BMPR2: variants seen among roughly 807,000 people sequenced by gnomAD.
The protein encoded by BMPR2 is bone morphogenetic protein receptor type-2.
Under a neutral mutation model 100.8 loss-of-function variants are expected in BMPR2, and 29 were observed. The ratio of observed to expected loss-of-function variants is 0.29; its 90% CI spans 0.21 to 0.39. The LOEUF (loss-of-function observed/expected upper bound fraction) is 0.39. BMPR2 is among the 10% of genes least tolerant of loss of function. The probability of loss-of-function intolerance (pLI) is 1.00; values close to 1 mark genes in which losing one functional copy is unlikely to be tolerated. For missense variants in BMPR2, 1,011 were observed against 1,274.5 expected (o/e 0.79, Z 3.15); for synonymous variants, 382 against 442.3 (o/e 0.86, Z 1.71).
In BMPR2 at chr2:202,532,125, T is replaced by C. The variant is rs1688041341; in HGVS notation, c.1129-460T>C. Among the ~76,000 whole-genome samples, 1 of 150,312 alleles carries C rather than the reference T, an allele frequency of 6.7e-6. No individual in the cohort carries two copies. Among genetic ancestry groups the C allele is most frequent in the Non-Finnish European group, 1.5e-5 (1 of 67,682 alleles). On this transcript the variant is annotated intron_variant, in intron 8 of 12. Transcript: ENST00000374580. The surrounding 1 kb of genome is among the most constrained non-coding windows in gnomAD (Gnocchi z 4.1). ...TGGTTAATTTTTTATTTTTTTTTAG[T>C]AGAGACGGGGTTTCACTGTGTTAGC...
In BMPR2 at chr2:202,446,010, G is replaced by A. The variant is rs755806581; in HGVS notation, c.77-18799G>A. 3.3e-5 allele frequency among the ~76,000 whole-genome samples: 5 copies of A among 150,172 alleles called. 1 individual carries two copies. Among genetic ancestry groups the A allele is most frequent in the African/African-American group, 1.0e-4 (4 of 39,648 alleles). On this transcript the variant is annotated intron_variant, in intron 1 of 12. Coordinates refer to ENST00000374580, the MANE Select transcript of BMPR2 (RefSeq NM_001204.7). ...AGGATGGTCTTGATCTCCCGACCTC[G>A]TGATCTGCCCATCTTGGCCTCCCAA...
intron 1 of BMPR2, among the ~76,000 whole-genome samples, chr2:202,380,976 T>C (rs1238336469): frequency 5.3e-5 from 7 of 131,854 alleles, no homozygotes; most frequent in Non-Finnish European, 1.1e-4. Flanking sequence ...TTTTTTTTTT[T>C]TTTTTTTTTT....
intron 1 of BMPR2, among the ~76,000 whole-genome samples, chr2:202,382,596 T>C (rs975290473): frequency 6.6e-6 from 1 of 152,214 alleles, no homozygotes; most frequent in Admixed American, 6.5e-5. Context: ...ATTTAAGAAA[T>C]ACTTAGTGAA....
chr2:202,396,348 C>T (rs1690655812), intron 1 of BMPR2, among the ~76,000 whole-genome samples: 1 of 152,190 alleles, frequency 6.6e-6, no homozygotes, highest in Non-Finnish European at 1.5e-5. Flanking sequence ...GACTTGAAAT[C>T]TGGCTGATGG....
chr2:202,467,483 T>TA, intron 2 of BMPR2, 36 bp from the exon 3 acceptor site: 1 of 1,512,146 alleles, frequency 6.6e-7, no homozygotes, highest in Non-Finnish European at 9.2e-7. Flanking sequence ...TTCTTTATCA[T>TA]ATTGTCTCCT....
chr2:202,394,305 C>T (rs1013042344), intron 1 of BMPR2, among the ~76,000 whole-genome samples: 2 of 151,526 alleles, frequency 1.3e-5, no homozygotes, highest in South Asian at 2.1e-4. Flanking sequence ...GAGCCAAGAT[C>T]GTGCCATTGC....
chr2:202,383,685 A>G (rs1378125294), intron 1 of BMPR2, among the ~76,000 whole-genome samples: 2 of 151,422 alleles, frequency 1.3e-5, no homozygotes, highest in Non-Finnish European at 2.9e-5. Context: ...AAAAAAAAAA[A>G]AAAGAAAAAA....
intron 9 of BMPR2, 65 bp from the exon 10 acceptor site, chr2:202,542,246 C>A: frequency 6.3e-7 from 1 of 1,582,294 alleles, no homozygotes; most frequent in South Asian, 1.1e-5. Flanking sequence ...AGAAATACCC[C>A]TGTTATTCTA....
Position 202,420,540 on chromosome 2 carries a change from T to A in BMPR2, c.76+42990T>A, listed in dbSNP as rs1168285292. On this transcript the variant is annotated intron_variant, in intron 1 of 12. Coordinates refer to ENST00000374580, the MANE Select transcript of BMPR2 (RefSeq NM_001204.7). ...TGCAAACATCTGTAGAAGCATGATTTTTTTTTTTTTTTTTTTTTTTTTTTT... is the reference window on the plus strand; with the variant it reads ...TGCAAACATCTGTAGAAGCATGATTATTTTTTTTTTTTTTTTTTTTTTTTT... 2.5e-3 allele frequency among the ~76,000 whole-genome samples: 156 copies of A among 61,446 alleles called. 1 individual carries two copies. Among genetic ancestry groups the A allele is most frequent in the African/African-American group, 6.8e-3 (63 of 9,272 alleles). 40.3% of individuals were successfully genotyped at this position (61,446 alleles called of 152,430 possible).
rs1688716999 is a variant in BMPR2, at chr2:202,564,086, AGC to A, written c.*4141_*4142del. 6.6e-6 allele frequency: 1 copy of A among 152,210 alleles called. No individual in the cohort carries two copies. The highest frequency in any genetic ancestry group is 1.5e-5 in the Non-Finnish European group (1 of 68,028). 9.4% of individuals were successfully genotyped at this position (152,210 alleles called of 1,614,324 possible). The stretch of plus-strand genomic sequence containing the variant: ...AATTATTTTCAAATTTGACTTCTAC[AGC>A]CAAGTGGAATTGGTAGGCTGTAGCT... On this transcript the variant is annotated 3_prime_UTR_variant, in exon 13 of 13. Coordinates refer to ENST00000374580, the MANE Select transcript of BMPR2 (RefSeq NM_001204.7).
intron 1 of BMPR2, among the ~76,000 whole-genome samples, chr2:202,449,165 G>A (rs191440836): frequency 2.6e-5 from 4 of 151,816 alleles, no homozygotes; most frequent in East Asian, 1.9e-4. Flanking sequence ...AGAATTAGCC[G>A]GGCATGGTGG....
Position 202,556,022 on chromosome 2 carries a change from C to T in BMPR2, c.2357C>T (p.Thr786Ile), listed in dbSNP as rs1688564338. The T allele has an allele frequency of 6.2e-7, 1 of 1,614,186 alleles. No homozygotes were observed. The highest frequency in any genetic ancestry group is 1.6e-4 in the Middle Eastern group (1 of 6,062). The change falls in exon 12 of 13, where the codon ACT becomes ATT. Residue 786 changes from threonine to isoleucine, a missense_variant. Around this residue, in one of 6 missense-constraint regions of BMPR2, gnomAD observed 508 missense variants for 552.0 expected, o/e 0.92. Coordinates refer to ENST00000374580, the MANE Select transcript of BMPR2 (RefSeq NM_001204.7). ...AAATCAAACTTGAAACAAGTCGAAACTGGAGTTGCCAAGATGAATACAATC... is the reference window on the plus strand; with the variant it reads ...AAATCAAACTTGAAACAAGTCGAAATTGGAGTTGCCAAGATGAATACAATC... ...KHKSNLKQVETGVAKMNTINA... is the reference protein window; with the variant it reads ...KHKSNLKQVEIGVAKMNTINA...
chr2:202,519,343 A>G (rs563664762), intron 6 of BMPR2, among the ~76,000 whole-genome samples: 101 of 152,350 alleles, frequency 6.6e-4, no homozygotes, highest in African/African-American at 2.2e-3. Context: ...AGCCTGGGCG[A>G]CAGAGCAAGA....
chr2:202,556,038 G>C lies in BMPR2; in HGVS notation c.2373G>C (p.Met791Ile). The C allele has an allele frequency of 6.2e-7, 1 of 1,614,178 alleles. No homozygotes were observed. The highest frequency in any genetic ancestry group is 8.5e-7 in the Non-Finnish European group (1 of 1,180,034). The change falls in exon 12 of 13, where the codon ATG (methionine) becomes ATC (isoleucine). Residue 791 changes from methionine to isoleucine, a missense_variant. Met to Ile is a conservative substitution (Grantham distance 10, BLOSUM62 1). Coordinates refer to ENST00000374580, the MANE Select transcript of BMPR2 (RefSeq NM_001204.7). ...LKQVETGVAK[M>I]NTINAAEPHV... ...AAGTCGAAACTGGAGTTGCCAAGAT[G>C]AATACAATCAATGCAGCAGAACCTC...
At chr2:202,519,579 T>A (rs1687784659) in intron 6 of BMPR2, among the ~76,000 whole-genome samples, 1 of 152,220 alleles carries the variant, frequency 6.6e-6, no homozygotes, top group South Asian at 2.1e-4. Context: ...TTATTTAATT[T>A]TTTGATAACA....
At chr2:202,541,988 G>A (rs1435266232) in intron 9 of BMPR2, among the ~76,000 whole-genome samples, 1 of 151,946 alleles carries the variant, frequency 6.6e-6, no homozygotes, top group Non-Finnish European at 1.5e-5. Flanking sequence ...GTGTGCGCCT[G>A]TAATCCAAGC....
intron 1 of BMPR2, among the ~76,000 whole-genome samples, chr2:202,454,083 T>C (rs1349191783): frequency 6.6e-6 from 1 of 152,220 alleles, no homozygotes; most frequent in African/African-American, 2.4e-5. Context: ...TTTTAATTTT[T>C]GTTTTTGAGA....
chr2:202,563,044 G>A lies in BMPR2; in HGVS notation c.*3098G>A, dbSNP rs1159816894. 1 of 152,154 alleles carries A rather than the reference G, an allele frequency of 6.6e-6. No homozygotes were observed. Among genetic ancestry groups the A allele is most frequent in the Non-Finnish European group, 1.5e-5 (1 of 68,034 alleles). The allele number at this position is 152,154 out of a possible 1,614,324, so 9.4% of individuals were successfully genotyped here. A position where few individuals can be genotyped will look rare whatever the true frequency, so the allele number is the denominator to read the frequency against. ...CACATCTAGTAACAGACAAAGCTGGGATTTCAGTCTATGTCTGCCTCTCTC... is the reference window on the plus strand; with the variant it reads ...CACATCTAGTAACAGACAAAGCTGGAATTTCAGTCTATGTCTGCCTCTCTC... On this transcript the variant is annotated 3_prime_UTR_variant, in exon 13 of 13. Transcript: ENST00000374580.
At chr2:202,554,071 G>C (rs1688524390) in intron 11 of BMPR2, among the ~76,000 whole-genome samples, 1 of 152,078 alleles carries the variant, frequency 6.6e-6, no homozygotes, top group Non-Finnish European at 1.5e-5. Flanking sequence ...CTTTTGTATA[G>C]GTCAAATTAG....
Sources: allele counts gnomAD v4.1 joint callset (sites outside exome capture counted in the v4.1 genomes callset), GRCh38; gene constraint gnomAD v4.1.1; regional missense constraint gnomAD v4.1.1; non-coding constraint Gnocchi (gnomAD v3.1); transcripts MANE v1.5; gene names NCBI Gene and HGNC (gene_info 2026-07-23, HGNC 2026-07-21).